The following PLEKHA8 variants were observed in gnomAD, a reference collection of about 807,000 sequenced individuals.
PLEKHA8 encodes the protein pleckstrin homology domain containing A8.
A neutral mutation model predicts 68.2 loss-of-function variants in PLEKHA8; 36 were observed. The ratio of observed to expected loss-of-function variants is 0.53; its 90% CI spans 0.40 to 0.70. PLEKHA8 has a LOEUF of 0.70. PLEKHA8 is among the 30% of genes least tolerant of loss of function. PLEKHA8 has a pLI of 0.00. For missense variants in PLEKHA8, 505 were observed against 615.4 expected, an observed-to-expected ratio of 0.82 and a Z score of 1.90; for synonymous variants, 211 against 216.1, an observed-to-expected ratio of 0.98 and a Z score of 0.20.
At chr7:30,125,371 T>C (rs1411599898) in intron 13 of PLEKHA8, among the ~76,000 whole-genome samples, 1 of 152,236 alleles carries the variant, frequency 6.6e-6, no homozygotes, top group Non-Finnish European at 1.5e-5. Context: ...AAATGCATTT[T>C]TGACTTCTGA....
rs1463470198 is a variant in PLEKHA8 at position 30,082,571 on chromosome 7, T to G, written c.*3784T>G. The G allele has an allele frequency of 1.0e-6, 1 of 985,268 alleles. No individual in the cohort carries two copies. The highest frequency in any genetic ancestry group is 1.2e-6 in the Non-Finnish European group (1 of 829,898). The allele number at this position is 985,268 out of a possible 1,614,324, so 61.0% of individuals were successfully genotyped here. On this transcript the variant is annotated 3_prime_UTR_variant, in exon 14 of 14. Transcript: ENST00000449726. ...TAGAGGAGTGCAGCGGAAAAAAATTTGCACTCTTCTCCTTTTGGTTATTAC... is the reference window on the plus strand; with the variant it reads ...TAGAGGAGTGCAGCGGAAAAAAATTGGCACTCTTCTCCTTTTGGTTATTAC...
intron 13 of PLEKHA8, among the ~76,000 whole-genome samples, chr7:30,096,816 C>T (rs1467845396): frequency 2.6e-5 from 4 of 152,160 alleles, no homozygotes; most frequent in African/African-American, 9.7e-5. Context: ...GAGCATTTAG[C>T]CCATTTACAC....
chr7:30,059,389 T>C (rs1793252472), intron 9 of PLEKHA8, among the ~76,000 whole-genome samples: 1 of 152,228 alleles, frequency 6.6e-6, no homozygotes, highest in African/African-American at 2.4e-5. Flanking sequence ...CTTCATAAAA[T>C]GCTTTTTCTG....
chr7:30,083,955 G>A lies in PLEKHA8; in HGVS notation c.*5168G>A. 2.0e-6 allele frequency: 2 copies of A among 985,432 alleles called. No homozygotes were observed. The highest frequency in any genetic ancestry group is 2.3e-4 in the East Asian group (2 of 8,806). 61.0% of individuals were successfully genotyped at this position (985,432 alleles called of 1,614,324 possible). A position where few individuals can be genotyped will look rare whatever the true frequency, so the allele number is the denominator to read the frequency against. On this transcript the variant is annotated 3_prime_UTR_variant, in exon 14 of 14. Transcript: ENST00000449726. ...CAGTGTTGATAGGAAGGATGCTCTA[G>A]AAGTACTTCTGTTGTTTCCTAGAAG...
At chr7:30,066,357 G>T (rs1358474135) in intron 12 of PLEKHA8, among the ~76,000 whole-genome samples, 1 of 152,140 alleles carries the variant, frequency 6.6e-6, no homozygotes, top group Non-Finnish European at 1.5e-5. Context: ...TCTAGTTATT[G>T]TATTGCTGCA....
downstream of PLEKHA8, among the ~76,000 whole-genome samples, chr7:30,089,038 A>G (rs1234109346): frequency 6.6e-6 from 1 of 152,140 alleles, no homozygotes; most frequent in African/African-American, 2.4e-5. Context: ...TGTCCCCCGT[A>G]CATACAGTAG....
intron 13 of PLEKHA8, among the ~76,000 whole-genome samples, chr7:30,123,625 T>C (rs1796727834): frequency 6.6e-6 from 1 of 152,190 alleles, no homozygotes; most frequent in Non-Finnish European, 1.5e-5. Context: ...GGAGAGAATG[T>C]GGATCTCTCG....
At chr7:30,030,066 C>CT (rs2127955124) in intron 1 of PLEKHA8, among the ~76,000 whole-genome samples, 1 of 152,290 alleles carries the variant, frequency 6.6e-6, no homozygotes, top group East Asian at 1.9e-4. Flanking sequence ...CAAAGCTAGG[C>CT]TTTGGTTTGG....
chr7:30,129,521 C>T (rs1238163873), downstream of PLEKHA8: 1 of 596,878 alleles, frequency 1.7e-6, no homozygotes, highest in African/African-American at 1.9e-5. Context: ...CTAATTGATA[C>T]ACCTTAAAAT....
intron 13 of PLEKHA8, among the ~76,000 whole-genome samples, chr7:30,106,225 A>AT (rs915797229): frequency 2.9e-4 from 43 of 150,786 alleles, no homozygotes; most frequent in African/African-American, 6.6e-4. Flanking sequence ...CGGCCAGCTA[A>AT]TTTTTTTTTG....
At chr7:30,123,505 A>G (rs75288395) in intron 13 of PLEKHA8, among the ~76,000 whole-genome samples, 2 of 152,360 alleles carry the variant, frequency 1.3e-5, no homozygotes, top group African/African-American at 4.8e-5. Flanking sequence ...CTGAGCTTTT[A>G]GAGTATCACA....
intron 13 of PLEKHA8, among the ~76,000 whole-genome samples, chr7:30,117,010 T>G (rs932253565): frequency 1.3e-5 from 2 of 152,216 alleles, no homozygotes; most frequent in African/African-American, 4.8e-5. Context: ...GTCTTGCAAA[T>G]GTAGGTCTAA....
intron 13 of PLEKHA8, among the ~76,000 whole-genome samples, chr7:30,098,154 C>T (rs184295114): frequency 1.2e-3 from 189 of 152,296 alleles, no homozygotes; most frequent in Non-Finnish European, 2.3e-3. Flanking sequence ...ATTGGTGAAC[C>T]GCAAACGCTG....
At chr7:30,109,634 G>A (rs1341202482) in intron 13 of PLEKHA8, among the ~76,000 whole-genome samples, 9 of 139,188 alleles carry the variant, frequency 6.5e-5, no homozygotes, top group Non-Finnish European at 1.2e-4. Context: ...TTAACATTGT[G>A]TAACTACAGA....
chr7:30,124,205 T>C (rs77933377), intron 13 of PLEKHA8, among the ~76,000 whole-genome samples: 117 of 152,328 alleles, frequency 7.7e-4, no homozygotes, highest in Non-Finnish European at 1.2e-3. Flanking sequence ...TTAGGACTTA[T>C]TGAGGACCCC....
At chr7:30,031,544 A>G (rs972057503) in intron 1 of PLEKHA8, among the ~76,000 whole-genome samples, 3 of 152,186 alleles carry the variant, frequency 2.0e-5, no homozygotes, top group East Asian at 3.9e-4. Flanking sequence ...TGAGGCTCCA[A>G]CAAAGATGCA....
intron 12 of PLEKHA8, among the ~76,000 whole-genome samples, chr7:30,065,930 C>A (rs182682238): frequency 1.6e-3 from 237 of 150,084 alleles, no homozygotes; most frequent in African/African-American, 5.6e-3. Context: ...TCCGGTTCCA[C>A]CCCAGACCTG....
At chr7:30,076,432 C>T (rs1794613257) in intron 13 of PLEKHA8, among the ~76,000 whole-genome samples, 2 of 152,118 alleles carry the variant, frequency 1.3e-5, no homozygotes. Context: ...CCTAGTAGAA[C>T]TGCTATGTCG....
At chr7:30,109,628 C>A (rs1476814621) in intron 13 of PLEKHA8, among the ~76,000 whole-genome samples, 8 of 128,338 alleles carry the variant, frequency 6.2e-5, no homozygotes, top group Admixed American at 1.6e-4. Flanking sequence ...GAGAGATTAA[C>A]ATTGTGTAAC....
Sources: gnomAD v4.1 joint callset for allele counts (sites outside exome capture counted in the v4.1 genomes callset) on GRCh38, gnomAD v4.1.1 for gene constraint, MANE v1.5 for transcripts, NCBI Gene and HGNC (gene_info 2026-07-23, HGNC 2026-07-21) for gene names.